The following LRMDA variants were observed in gnomAD, a reference collection of about 807,000 sequenced individuals.
The protein encoded by LRMDA is leucine-rich melanocyte differentiation-associated protein.
In LRMDA, 18 loss-of-function variants were observed where a neutral mutation model predicts 29.8. The observed-to-expected ratio is 0.60, with a 90% CI of 0.42 to 0.90. LRMDA has a LOEUF of 0.90. Ranked by LOEUF, LRMDA falls within the 40% of genes least tolerant of loss-of-function variation. The probability of loss-of-function intolerance (pLI) is 0.00; values close to 1 mark genes in which losing one functional copy is unlikely to be tolerated. For synonymous variants in LRMDA, 125 were observed against 109.4 expected, an observed-to-expected ratio of 1.14 and a Z score of -0.89; for missense variants, 273 against 273.9, an observed-to-expected ratio of 1.00 and a Z score of 0.02.
At chr10:75,980,479 G>C (rs545670777) in intron 2 of LRMDA, among the ~76,000 whole-genome samples, 6 of 152,228 alleles carry the variant, frequency 3.9e-5, no homozygotes, top group Admixed American at 3.9e-4. Flanking sequence ...AGTGGGTAAG[G>C]TTTGGTTGGG....
intron 2 of LRMDA, among the ~76,000 whole-genome samples, chr10:75,953,158 G>A (rs912011280): frequency 4.0e-5 from 6 of 151,470 alleles, no homozygotes; most frequent in Non-Finnish European, 8.8e-5. Flanking sequence ...CTGCAGCCTT[G>A]ACCTCCTGGG....
At chr10:75,918,934 T>C (rs1179045131) in intron 2 of LRMDA, among the ~76,000 whole-genome samples, 1 of 152,078 alleles carries the variant, frequency 6.6e-6, no homozygotes, top group East Asian at 1.9e-4. Flanking sequence ...CCACAAATAG[T>C]TGGGAGTTAG....
At chr10:75,779,201 GCTA>G (rs1298197641) in intron 2 of LRMDA, among the ~76,000 whole-genome samples, 11 of 152,136 alleles carry the variant, frequency 7.2e-5, no homozygotes, top group African/African-American at 2.7e-4. Flanking sequence ...AGGGACACTA[GCTA>G]CTGTTTTTCT....
At chr10:75,598,628 A>G (rs1371980061) in intron 2 of LRMDA, among the ~76,000 whole-genome samples, 1 of 152,090 alleles carries the variant, frequency 6.6e-6, no homozygotes, top group African/African-American at 2.4e-5. Context: ...TCTTCATTCT[A>G]TAGTAAATAT....
chr10:76,280,786 C>G (rs143143336), intron 5 of LRMDA, among the ~76,000 whole-genome samples: 1 of 151,700 alleles, frequency 6.6e-6, no homozygotes, highest in African/African-American at 2.4e-5. Flanking sequence ...AAAATCAGCC[C>G]TCAATAACTT....
chr10:75,491,253 C>A (rs1462178871), intron 2 of LRMDA, among the ~76,000 whole-genome samples: 1 of 152,150 alleles, frequency 6.6e-6, no homozygotes, highest in Non-Finnish European at 1.5e-5. Context: ...TGAGACTGTG[C>A]TTTATATTAT....
chr10:76,064,764 TATAA>T (rs1159126341), intron 5 of LRMDA, among the ~76,000 whole-genome samples: 1 of 152,240 alleles, frequency 6.6e-6, no homozygotes, highest in Non-Finnish European at 1.5e-5. Flanking sequence ...AGGACATGCC[TATAA>T]ATAAACATTA....
At chr10:76,345,351 CG>C (rs1259511893) in intron 6 of LRMDA, among the ~76,000 whole-genome samples, 1 of 150,726 alleles carries the variant, frequency 6.6e-6, no homozygotes, top group Non-Finnish European at 1.5e-5. Context: ...GGATTACAGG[CG>C]TGAGCCACCG....
intron 2 of LRMDA, among the ~76,000 whole-genome samples, chr10:75,589,455 T>C (rs1840694375): frequency 1.3e-5 from 2 of 152,292 alleles, no homozygotes; most frequent in South Asian, 2.1e-4. Context: ...GTTTTTGTCT[T>C]TCTAAAATTG....
intron 5 of LRMDA, among the ~76,000 whole-genome samples, chr10:76,136,193 A>G (rs947789354): frequency 2.0e-5 from 3 of 152,230 alleles, no homozygotes; most frequent in South Asian, 2.1e-4. Context: ...TATGAAGTCA[A>G]TGAACTCCAG....
chr10:76,452,466 G>A (rs971014109), intron 6 of LRMDA, among the ~76,000 whole-genome samples: 1 of 151,980 alleles, frequency 6.6e-6, no homozygotes, highest in South Asian at 2.1e-4. Flanking sequence ...CAGGCAGATG[G>A]TGTGAAATTT....
chr10:75,558,043 C>A (rs1263824509), intron 2 of LRMDA, among the ~76,000 whole-genome samples: 2 of 152,030 alleles, frequency 1.3e-5, no homozygotes, highest in Non-Finnish European at 2.9e-5. Context: ...ATGCACTGCA[C>A]TGCTTCATCG....
At chr10:75,753,798 A>AG (rs1160142487) in intron 2 of LRMDA, among the ~76,000 whole-genome samples, 11 of 152,148 alleles carry the variant, frequency 7.2e-5, no homozygotes. Context: ...CAAGAATGGA[A>AG]GTGGGGTAAG....
intron 4 of LRMDA, among the ~76,000 whole-genome samples, chr10:76,055,902 C>T (rs907795639): frequency 2.6e-5 from 4 of 152,220 alleles, no homozygotes; most frequent in African/African-American, 9.6e-5. Flanking sequence ...CCCCAAAGGG[C>T]CACAGCTCTT....
chr10:75,616,805 C>T (rs1197809695), intron 2 of LRMDA, among the ~76,000 whole-genome samples: 1 of 152,176 alleles, frequency 6.6e-6, no homozygotes, highest in African/African-American at 2.4e-5. Flanking sequence ...GCTAAGACTC[C>T]ATAGAGCACT....
rs536091267 is a variant in LRMDA at position 76,071,881 on chromosome 10, A to G, written c.516+13098A>G. 4.6e-5 allele frequency among the ~76,000 whole-genome samples: 7 copies of G among 152,330 alleles called. No homozygotes were observed. The South Asian group carries it at 1.4e-3, about 32-fold the overall frequency. ...TTTAAACTGCTACTTTTCTTACATG[A>G]CATTTAATATGTGTACTTTGGAGGC... On this transcript the variant is annotated intron_variant, in intron 5 of 6. Coordinates refer to ENST00000611255, the MANE Select transcript of LRMDA (RefSeq NM_001305581.2).
At chr10:76,123,142 G>T (rs1849818076) in intron 5 of LRMDA, among the ~76,000 whole-genome samples, 1 of 152,032 alleles carries the variant, frequency 6.6e-6, no homozygotes, top group African/African-American at 2.4e-5. Context: ...CTCAGACTTG[G>T]GATCCACGTG....
At chr10:76,263,692 A>G (rs1171007575) in intron 5 of LRMDA, among the ~76,000 whole-genome samples, 3 of 152,210 alleles carry the variant, frequency 2.0e-5, no homozygotes, top group African/African-American at 7.2e-5. Flanking sequence ...GTGGAAGAAT[A>G]CTGTGTAGGA....
At chr10:76,188,234 G>A (rs1211262222) in intron 5 of LRMDA, among the ~76,000 whole-genome samples, 1 of 152,228 alleles carries the variant, frequency 6.6e-6, no homozygotes, top group Non-Finnish European at 1.5e-5. Context: ...ATTGAAATTA[G>A]ATTGCTTCCT....
Sources: gnomAD v4.1 joint callset for allele counts (sites outside exome capture counted in the v4.1 genomes callset) on GRCh38, gnomAD v4.1.1 for gene constraint, MANE v1.5 for transcripts, NCBI Gene and HGNC (gene_info 2026-07-23, HGNC 2026-07-21) for gene names.